METAP1: variants seen among roughly 807,000 people sequenced by gnomAD.
The protein encoded by METAP1 is methionine aminopeptidase 1.
Under a neutral mutation model 53.8 loss-of-function variants are expected in METAP1, and 28 were observed. The ratio of observed to expected loss-of-function variants is 0.52; its 90% confidence interval spans 0.39 to 0.71. METAP1 has a LOEUF of 0.71. Ranked by LOEUF, METAP1 falls within the 30% of genes least tolerant of loss-of-function variation. The pLI, the probability that METAP1 is intolerant of heterozygous loss-of-function variation, is 0.00. For missense variants in METAP1, 389 were observed against 479.8 expected, an observed-to-expected ratio of 0.81 and a Z score of 1.77; for synonymous variants, 181 against 165.7, an observed-to-expected ratio of 1.09 and a Z score of -0.71.
At chr4:99,031,882 T>C (rs1344306055) in intron 2 of METAP1, among the ~76,000 whole-genome samples, 1 of 152,226 alleles carries the variant, frequency 6.6e-6, no homozygotes, top group Admixed American at 6.5e-5. Context: ...ACCTGCATTT[T>C]ACCTGGGACT....
intron 8 of METAP1, among the ~76,000 whole-genome samples, chr4:99,045,834 A>G (rs1044833122): frequency 2.0e-5 from 3 of 152,246 alleles, no homozygotes; most frequent in African/African-American, 7.2e-5. Flanking sequence ...TAATATTTTT[A>G]ATGTGTAACT....
chr4:99,053,528 C>T (rs913098222), intron 9 of METAP1, among the ~76,000 whole-genome samples: 1 of 152,270 alleles, frequency 6.6e-6, no homozygotes, highest in African/African-American at 2.4e-5. Context: ...GCTGGGATTA[C>T]AGGCGTGTGC....
At chr4:99,024,747 TTG>T (rs1724432285) in intron 1 of METAP1, among the ~76,000 whole-genome samples, 1 of 152,252 alleles carries the variant, frequency 6.6e-6, no homozygotes, top group Non-Finnish European at 1.5e-5. Context: ...TTTGGCTAAT[TTG>T]TTAGTCCCAC....
intron 9 of METAP1, among the ~76,000 whole-genome samples, chr4:99,051,331 G>A (rs1389661655): frequency 6.6e-6 from 1 of 152,122 alleles, no homozygotes; most frequent in East Asian, 1.9e-4. Flanking sequence ...TCCTATTAAA[G>A]CATTTGATTA....
intron 1 of METAP1, among the ~76,000 whole-genome samples, chr4:99,000,388 C>T (rs2110271933): frequency 6.6e-6 from 1 of 152,294 alleles, no homozygotes; most frequent in African/African-American, 2.4e-5. Flanking sequence ...TAAGTCCCCT[C>T]CTTTGCTTAA....
intron 6 of METAP1, among the ~76,000 whole-genome samples, chr4:99,041,640 T>A (rs190020166): frequency 9.9e-5 from 15 of 151,694 alleles, no homozygotes; most frequent in East Asian, 5.8e-4. Flanking sequence ...ATATGAATTT[T>A]AAAAAAAAGA....
chr4:99,012,029 G>A (rs969632240), intron 1 of METAP1, among the ~76,000 whole-genome samples: 18 of 151,978 alleles, frequency 1.2e-4, no homozygotes, highest in African/African-American at 3.9e-4. Context: ...TCTTTTCTTC[G>A]GTAGTCTAGC....
In METAP1 at chr4:99,060,205, G is replaced by A. The variant is rs540447510; in HGVS notation, c.998-949G>A. ...CCATTACCACCATCCATCTCCAAAA[G>A]TCTTTTCATCTTGTAAAACTGAAAC... On this transcript the variant is annotated intron_variant, in intron 10 of 10. Transcript: ENST00000296411. Among the ~76,000 whole-genome samples the A allele has an allele frequency of 1.2e-4, 19 of 152,020 alleles. No homozygotes were observed. The East Asian group carries it at 3.3e-3, about 26-fold the overall frequency.
intron 1 of METAP1, among the ~76,000 whole-genome samples, chr4:99,006,043 A>G (rs1044867370): frequency 3.9e-5 from 6 of 152,200 alleles, no homozygotes; most frequent in Non-Finnish European, 8.8e-5. Context: ...GGTGGTACTT[A>G]TAGAGAGTTT....
chr4:99,054,271 A>G (rs1726935385), intron 9 of METAP1, among the ~76,000 whole-genome samples: 1 of 152,222 alleles, frequency 6.6e-6, no homozygotes, highest in Non-Finnish European at 1.5e-5. Flanking sequence ...TGCAGTTTCT[A>G]CATCAGCACT....
intron 1 of METAP1, among the ~76,000 whole-genome samples, chr4:99,014,260 C>G (rs1300252656): frequency 6.6e-6 from 1 of 152,174 alleles, no homozygotes; most frequent in Non-Finnish European, 1.5e-5. Flanking sequence ...AGCAGTAAGT[C>G]CCTCTAGGGC....
intron 1 of METAP1, among the ~76,000 whole-genome samples, chr4:99,017,723 T>C (rs1723859094): frequency 6.6e-6 from 1 of 152,264 alleles, no homozygotes; most frequent in Admixed American, 6.5e-5. Context: ...TAGGATGACA[T>C]TGACCTTATG....
chr4:99,003,037 C>T (rs1312595044), intron 1 of METAP1, among the ~76,000 whole-genome samples: 1 of 151,980 alleles, frequency 6.6e-6, no homozygotes, highest in African/African-American at 2.4e-5. Context: ...CCACTGCACT[C>T]CAGCCTGGGC....
At chr4:98,996,334 C>T (rs573674531) in intron 1 of METAP1, among the ~76,000 whole-genome samples, 7 of 152,332 alleles carry the variant, frequency 4.6e-5, no homozygotes, top group East Asian at 1.9e-4. Context: ...CGTCGGGTCC[C>T]TGCGGGGTGG....
intron 1 of METAP1, among the ~76,000 whole-genome samples, chr4:99,010,798 A>G (rs185097465): frequency 5.3e-5 from 8 of 152,332 alleles, no homozygotes; most frequent in South Asian, 4.1e-4. Flanking sequence ...AGATACATGA[A>G]CATGGGATGT....
At chr4:99,052,273 A>C (rs528387552) in intron 9 of METAP1, among the ~76,000 whole-genome samples, 1 of 152,168 alleles carries the variant, frequency 6.6e-6, no homozygotes, top group Non-Finnish European at 1.5e-5. Context: ...GATGGCTACT[A>C]ACTGATCAGG....
chr4:99,048,932 T>G, intron 9 of METAP1, 56 bp downstream of exon 9: 3 of 1,560,524 alleles, frequency 1.9e-6, no homozygotes, highest in South Asian at 1.2e-5. Context: ...CAAATACTTA[T>G]TCATACATTT....
chr4:99,037,001 T>C (rs1361132173), intron 4 of METAP1, among the ~76,000 whole-genome samples: 1 of 152,068 alleles, frequency 6.6e-6, no homozygotes, highest in Non-Finnish European at 1.5e-5. Context: ...AGCTTTATGA[T>C]CTTTGCTAAT....
intron 1 of METAP1, chr4:99,025,382 T>C: frequency 1.0e-6 from 1 of 985,360 alleles, no homozygotes; most frequent in Non-Finnish European, 1.2e-6. Flanking sequence ...AATAACTTGT[T>C]CTAGAAGTGA....
Sources: gnomAD v4.1 joint callset for allele counts (sites outside exome capture counted in the v4.1 genomes callset) on GRCh38, gnomAD v4.1.1 for gene constraint, MANE v1.5 for transcripts, NCBI Gene and HGNC (gene_info 2026-07-23, HGNC 2026-07-21) for gene names.